Variants in MYLK observed in about 807,000 individuals in gnomAD.
MYLK encodes the protein myosin light chain kinase, also known as myosin light chain kinase, smooth muscle.
MYLK carries 106 observed loss-of-function variants against 203.4 expected under a neutral mutation model. The ratio of observed to expected loss-of-function variants is 0.52; its 90% CI spans 0.45 to 0.61. MYLK has a LOEUF of 0.61. MYLK is among the 20% of genes least tolerant of loss of function. The pLI, the probability that MYLK is intolerant of heterozygous loss-of-function variation, is 0.00. For synonymous variants in MYLK, 867 were observed against 959.5 expected (o/e 0.90, Z 1.78); for missense variants, 2,072 against 2,442.3 (o/e 0.85, Z 3.20).
At chr3:123,738,186 A>G (rs887171192) in intron 7 of MYLK, among the ~76,000 whole-genome samples, 1 of 152,182 alleles carries the variant, frequency 6.6e-6, no homozygotes, top group African/African-American at 2.4e-5. Flanking sequence ...CAAGAAGTCA[A>G]ATGACTTATC....
chr3:123,756,248 C>A (rs1432764242), intron 4 of MYLK, among the ~76,000 whole-genome samples: 2 of 152,198 alleles, frequency 1.3e-5, no homozygotes, highest in Non-Finnish European at 2.9e-5. Context: ...GACCCTAAAT[C>A]CCTTATAGGT....
At chr3:123,717,839 CTTTTTTTTTTTTTTTTTTT>C (rs10574979) in intron 13 of MYLK, among the ~76,000 whole-genome samples, 4 of 94,988 alleles carry the variant, frequency 4.2e-5, no homozygotes, top group Admixed American at 1.2e-4. Flanking sequence ...TTGAGGGACT[CTTTTTTTTTTTTTTTTTTT>C]TTTTTTTTTT....
chr3:123,645,164 A>G (rs2058972283), intron 27 of MYLK, among the ~76,000 whole-genome samples: 1 of 152,238 alleles, frequency 6.6e-6, no homozygotes, highest in East Asian at 1.9e-4. Context: ...GCATTATTGC[A>G]TTGAATCCCA....
At chr3:123,709,669 G>C in intron 14 of MYLK, 87 bp downstream of exon 14, 1 of 1,558,270 alleles carries the variant, frequency 6.4e-7, no homozygotes, top group Non-Finnish European at 8.8e-7. Context: ...GTGGATCAAG[G>C]ATCTGAGCGG....
chr3:123,667,265 T>C (rs2059768232), intron 20 of MYLK, 78 bp from the exon 21 acceptor site: 1 of 1,361,522 alleles, frequency 7.3e-7, no homozygotes, highest in Admixed American at 1.8e-5. Flanking sequence ...GAAGATGCAG[T>C]CTTGTCCACT....
chr3:123,741,775 C>T (rs1244854203), intron 5 of MYLK, among the ~76,000 whole-genome samples: 1 of 152,308 alleles, frequency 6.6e-6, no homozygotes, highest in East Asian at 1.9e-4. Context: ...AATAAGTAGT[C>T]AGGTAAAATG....
chr3:123,683,014 C>A (rs2060322328), intron 19 of MYLK, among the ~76,000 whole-genome samples: 2 of 146,220 alleles, frequency 1.4e-5, no homozygotes, highest in African/African-American at 5.1e-5. Context: ...GGAAACCCTT[C>A]CTCATGGAGG....
chr3:123,624,285 A>G (rs1055962144), intron 31 of MYLK: 4 of 150,104 alleles, frequency 2.7e-5, no homozygotes, highest in African/African-American at 9.9e-5. Flanking sequence ...TGATTGTACC[A>G]TTGCCCTCCA....
intron 3 of MYLK, among the ~76,000 whole-genome samples, chr3:123,805,217 T>G (rs2065328828): frequency 6.6e-6 from 1 of 152,210 alleles, no homozygotes; most frequent in African/African-American, 2.4e-5. Context: ...GCCAACCTGG[T>G]TTATCAACTC....
At chr3:123,720,579 TC>T (rs1205091310) in intron 13 of MYLK, among the ~76,000 whole-genome samples, 1 of 152,218 alleles carries the variant, frequency 6.6e-6, no homozygotes, top group Non-Finnish European at 1.5e-5. Flanking sequence ...TCAGGTTTCC[TC>T]TGAAATCTCA....
At position 123,831,628 on chromosome 3, in the gene MYLK, C is replaced by G. The variant is rs1451087326; in HGVS notation, c.-84G>C. The G allele has an allele frequency of 3.4e-6, 1 of 290,160 alleles. No homozygotes were observed. Among genetic ancestry groups the G allele is most frequent in the Non-Finnish European group, 6.7e-6 (1 of 149,602 alleles). The allele number at this position is 290,160 out of a possible 1,614,324, so 18.0% of individuals were successfully genotyped here. ...TCCTGAAGCTCTCGGCTGGGAAGCT[C>G]CTGAAGTTGCTCTGAACTGCAGCAG... On this transcript the variant is annotated 5_prime_UTR_variant, in exon 3 of 34. Coordinates refer to ENST00000360304, the MANE Select transcript of MYLK (RefSeq NM_053025.4).
At chr3:123,783,777 CT>C (rs2064393113) in intron 4 of MYLK, among the ~76,000 whole-genome samples, 2 of 152,284 alleles carry the variant, frequency 1.3e-5, no homozygotes, top group Non-Finnish European at 1.5e-5. Flanking sequence ...TTGACATAAT[CT>C]TTTTTTCTTT....
intron 11 of MYLK, among the ~76,000 whole-genome samples, chr3:123,730,101 C>T (rs1462668800): frequency 6.6e-6 from 1 of 151,984 alleles, no homozygotes; most frequent in Non-Finnish European, 1.5e-5. Context: ...TGGTGGCAAG[C>T]ACCTTTAGTC....
chr3:123,811,175 G>C (rs997888418), intron 3 of MYLK, among the ~76,000 whole-genome samples: 4 of 152,214 alleles, frequency 2.6e-5, no homozygotes, highest in African/African-American at 9.6e-5. Flanking sequence ...CTGGTTTCCA[G>C]TGGAGAGGAG....
chr3:123,749,005 G>A (rs777045233), intron 5 of MYLK, among the ~76,000 whole-genome samples: 1 of 152,068 alleles, frequency 6.6e-6, no homozygotes, highest in African/African-American at 2.4e-5. Flanking sequence ...GGAGGCAGAG[G>A]TTGCAGTGAG....
chr3:123,659,547 C>T (rs933713395), intron 23 of MYLK: 2 of 314,014 alleles, frequency 6.4e-6, no homozygotes, highest in Admixed American at 7.4e-5. Context: ...TCAGAAAAGA[C>T]CCAAGTCAGA....
chr3:123,639,285 G>A (rs1386298391), intron 28 of MYLK, among the ~76,000 whole-genome samples: 1 of 152,258 alleles, frequency 6.6e-6, no homozygotes, highest in Non-Finnish European at 1.5e-5. Flanking sequence ...TCACCTGACT[G>A]CGCTGACCAC....
At chr3:123,717,905 G>C (rs820346) in intron 13 of MYLK, among the ~76,000 whole-genome samples, 1 of 147,186 alleles carries the variant, frequency 6.8e-6, no homozygotes, top group African/African-American at 2.6e-5. Flanking sequence ...ATCCAGGCTG[G>C]AGTCCAGTGG....
At chr3:123,867,080 C>A (rs2032380359) in intron 2 of MYLK, among the ~76,000 whole-genome samples, 4 of 152,008 alleles carry the variant, frequency 2.6e-5, no homozygotes, top group Admixed American at 1.3e-4. Flanking sequence ...GTGACAAATC[C>A]TTAGGGTAAG....
Sources: gnomAD v4.1 joint callset for allele counts (sites outside exome capture counted in the v4.1 genomes callset) on GRCh38, gnomAD v4.1.1 for gene constraint, MANE v1.5 for transcripts, NCBI Gene and HGNC (gene_info 2026-07-23, HGNC 2026-07-21) for gene names.